The following NEK5 variants were observed in gnomAD, a reference collection of about 807,000 sequenced individuals.
NEK5 encodes serine/threonine-protein kinase Nek5.
In NEK5, 88 loss-of-function variants were observed where a neutral mutation model predicts 109.2. The ratio of observed to expected loss-of-function variants is 0.81; its 90% confidence interval spans 0.68 to 0.96. The LOEUF (loss-of-function observed/expected upper bound fraction) is 0.96. Among genes scored for constraint, NEK5 ranks in the 40% least tolerant of loss-of-function variants. NEK5 has a pLI of 0.00. For synonymous variants in NEK5, 283 were observed against 299.9 expected (o/e 0.94, Z 0.58); for missense variants, 834 against 920.7 (o/e 0.91, Z 1.22).
intron 4 of NEK5, among the ~76,000 whole-genome samples, chr13:52,115,204 A>G (rs1955831951): frequency 6.6e-6 from 1 of 151,676 alleles, no homozygotes; most frequent in Non-Finnish European, 1.5e-5. Context: ...TAGTAGAGAC[A>G]GGGTTTCACT....
chr13:52,110,596 A>T lies in NEK5; in HGVS notation c.313-19T>A. On this transcript the variant is annotated intron_variant, in intron 5 of 23. Coordinates refer to ENST00000684899, the MANE Select transcript of NEK5 (RefSeq NM_001365552.1). ...CGAGGATCTATAGAGAGAACACAAA[A>T]CAAAGCCACTGAATAGCCTGGTAGT... 2.6e-6 allele frequency: 4 copies of T among 1,528,258 alleles called. No homozygotes were observed. The allele number at this position is 1,528,258 out of a possible 1,614,324, so 94.7% of individuals were successfully genotyped here. A position where few individuals can be genotyped will look rare whatever the true frequency, so the allele number is the denominator to read the frequency against.
intron 5 of NEK5, among the ~76,000 whole-genome samples, chr13:52,111,695 C>A (rs1955762638): frequency 2.6e-5 from 4 of 152,156 alleles, no homozygotes. Context: ...AACCTGTCTC[C>A]TTCATGAGTA....
chr13:52,105,934 C>T (rs1955643591), intron 8 of NEK5, among the ~76,000 whole-genome samples: 1 of 151,520 alleles, frequency 6.6e-6, no homozygotes, highest in South Asian at 2.1e-4. Context: ...CCCCTGGACT[C>T]AAGCAATCAT....
At chr13:52,102,927 G>A (rs892589749) in intron 9 of NEK5, among the ~76,000 whole-genome samples, 1 of 152,052 alleles carries the variant, frequency 6.6e-6, no homozygotes, top group African/African-American at 2.4e-5. Flanking sequence ...CCACTCAGAG[G>A]TATAGCTCCT....
intron 22 of NEK5, among the ~76,000 whole-genome samples, chr13:52,058,604 G>T (rs1163580361): frequency 6.6e-6 from 1 of 152,032 alleles, no homozygotes; most frequent in African/African-American, 2.4e-5. Flanking sequence ...CCAAAACAGA[G>T]ATATAGATCA....
chr13:52,044,706 T>C (rs1233993289), intron 23 of NEK5, among the ~76,000 whole-genome samples: 3 of 152,178 alleles, frequency 2.0e-5, no homozygotes, highest in Non-Finnish European at 4.4e-5. Context: ...TCAAAAAGAT[T>C]TGTGGGTCTG....
chr13:52,053,617 C>T (rs959477447), intron 22 of NEK5, among the ~76,000 whole-genome samples: 2 of 152,136 alleles, frequency 1.3e-5, no homozygotes, highest in Non-Finnish European at 2.9e-5. Flanking sequence ...AATTCTCCCC[C>T]ACCAGGAACT....
At chr13:52,085,036 G>T (rs1348475260) in intron 16 of NEK5, among the ~76,000 whole-genome samples, 1 of 152,142 alleles carries the variant, frequency 6.6e-6, no homozygotes, top group Non-Finnish European at 1.5e-5. Flanking sequence ...AAGAAAGTAT[G>T]AACGTGATAT....
intron 12 of NEK5, among the ~76,000 whole-genome samples, chr13:52,093,728 G>C (rs1955346741): frequency 6.6e-6 from 1 of 152,054 alleles, no homozygotes; most frequent in Non-Finnish European, 1.5e-5. Flanking sequence ...CTAAGTACTA[G>C]ATAGTATAGT....
intron 21 of NEK5, chr13:52,065,262 C>T (rs1293080497): frequency 3.0e-5 from 18 of 606,370 alleles, no homozygotes; most frequent in Admixed American, 1.3e-4. Context: ...CTGGATTTTT[C>T]CTCCTTTATA....
intron 3 of NEK5, among the ~76,000 whole-genome samples, chr13:52,120,879 T>C (rs1955955316): frequency 6.9e-6 from 1 of 144,900 alleles, no homozygotes; most frequent in Non-Finnish European, 1.5e-5. Flanking sequence ...ACCACTGCAC[T>C]CCAGCCTGGG....
chr13:52,103,957 A>T (rs1215016902), intron 9 of NEK5, among the ~76,000 whole-genome samples: 1 of 151,950 alleles, frequency 6.6e-6, no homozygotes, highest in Non-Finnish European at 1.5e-5. Context: ...TCATACAGTA[A>T]TTAATTAATT....
chr13:52,054,251 T>C (rs1329465334), intron 22 of NEK5, among the ~76,000 whole-genome samples: 1 of 152,236 alleles, frequency 6.6e-6, no homozygotes, highest in African/African-American at 2.4e-5. Flanking sequence ...GCTAGATTTG[T>C]CCAATGTTTC....
chr13:52,087,192 C>A (rs1955164438), intron 15 of NEK5, 146 bp downstream of exon 15: 2 of 470,154 alleles, frequency 4.3e-6, no homozygotes, highest in Non-Finnish European at 3.8e-6. Flanking sequence ...AAGTGAAATA[C>A]CTAACTCTGT....
rs185070526 is a variant in NEK5, at chr13:52,094,509, C to T, written c.1027-1274G>A. Among the ~76,000 whole-genome samples, 799 of 152,260 alleles carry T rather than the reference C, an allele frequency of 5.2e-3. 1 individual carries two copies. Among genetic ancestry groups the T allele is most frequent in the Middle Eastern group, 0.01 (3 of 294 alleles). On this transcript the variant is annotated intron_variant, in intron 12 of 23. Coordinates refer to ENST00000684899, the MANE Select transcript of NEK5 (RefSeq NM_001365552.1). Reference sequence around the variant, plus strand: ...ATGAAATTGCACATAATTGGCTGGGCGCAGTGGCTCATGCCTGTAATCCCA... The same window carrying T: ...ATGAAATTGCACATAATTGGCTGGGTGCAGTGGCTCATGCCTGTAATCCCA...
At chr13:52,085,713 C>T (rs1955128613) in intron 16 of NEK5, among the ~76,000 whole-genome samples, 1 of 152,224 alleles carries the variant, frequency 6.6e-6, no homozygotes, top group African/African-American at 2.4e-5. Flanking sequence ...TCATGTGAAG[C>T]TCTTCTGAAG....
At chr13:52,095,364 C>A (rs950042482) in intron 12 of NEK5, among the ~76,000 whole-genome samples, 1 of 152,114 alleles carries the variant, frequency 6.6e-6, no homozygotes, top group Non-Finnish European at 1.5e-5. Context: ...TATTGAAAGG[C>A]AATAAACATT....
At chr13:52,108,944 G>GGTTTTGAAT (rs1172887992) in intron 7 of NEK5, among the ~76,000 whole-genome samples, 1 of 152,160 alleles carries the variant, frequency 6.6e-6, no homozygotes, top group African/African-American at 2.4e-5. Context: ...AAATGTTTAT[G>GGTTTTGAAT]ATATATTCAG....
intron 21 of NEK5, among the ~76,000 whole-genome samples, chr13:52,063,179 T>C (rs1254488512): frequency 1.3e-5 from 2 of 152,118 alleles, no homozygotes; most frequent in East Asian, 3.9e-4. Context: ...CCTGCCTGAT[T>C]CTCCTGCCTC....
Sources: allele counts gnomAD v4.1 joint callset (sites outside exome capture counted in the v4.1 genomes callset), GRCh38; gene constraint gnomAD v4.1.1; transcripts MANE v1.5; gene names NCBI Gene and HGNC (gene_info 2026-07-23, HGNC 2026-07-21).